Variants in VAV2 observed in about 807,000 individuals in gnomAD.
The protein encoded by VAV2 is guanine nucleotide exchange factor VAV2.
In VAV2, 67 loss-of-function variants were observed where a neutral mutation model predicts 132.5. The observed-to-expected ratio is 0.51, with a 90% CI of 0.42 to 0.62. VAV2 has a LOEUF of 0.62. VAV2 is among the 20% of genes least tolerant of loss of function. The pLI, the probability that VAV2 is intolerant of heterozygous loss-of-function variation, is 0.00. For missense variants in VAV2, 938 were observed against 1,153.6 expected (o/e 0.81, Z 2.71); for synonymous variants, 492 against 443.5 (o/e 1.11, Z -1.37).
At chr9:133,780,939 G>C (rs982165991) in intron 19 of VAV2, among the ~76,000 whole-genome samples, 6 of 152,216 alleles carry the variant, frequency 3.9e-5, no homozygotes, top group Non-Finnish European at 8.8e-5. Flanking sequence ...TGGCTTTAGG[G>C]GGCCCATGGG....
At chr9:133,821,026 C>A (rs371053770) in intron 4 of VAV2, among the ~76,000 whole-genome samples, 2 of 152,340 alleles carry the variant, frequency 1.3e-5, no homozygotes, top group East Asian at 3.9e-4. Flanking sequence ...CCAGCCCACT[C>A]TCCCCCAGTC....
chr9:133,837,832 C>T (rs1011123827), intron 3 of VAV2, among the ~76,000 whole-genome samples: 1 of 152,096 alleles, frequency 6.6e-6, no homozygotes, highest in African/African-American at 2.4e-5. Flanking sequence ...CTTTACCTGC[C>T]CAACCCAGAG....
chr9:133,911,996 C>T (rs949706344), intron 2 of VAV2, among the ~76,000 whole-genome samples: 1 of 152,122 alleles, frequency 6.6e-6, no homozygotes, highest in African/African-American at 2.4e-5. Context: ...CATAGGTAAA[C>T]GTGTGCCATG....
chr9:133,815,230 G>A (rs928757763), intron 4 of VAV2, among the ~76,000 whole-genome samples: 44 of 152,138 alleles, frequency 2.9e-4, no homozygotes, highest in African/African-American at 1.0e-3. Context: ...AGACAGAACT[G>A]TCACGCCCGG....
intron 2 of VAV2, among the ~76,000 whole-genome samples, chr9:133,925,375 T>C (rs1398197900): frequency 1.2e-4 from 18 of 152,128 alleles, no homozygotes. Context: ...TGCCACTACA[T>C]CCTGCTAATT....
At chr9:133,860,848 G>A (rs1010282479) in intron 3 of VAV2, among the ~76,000 whole-genome samples, 2 of 152,140 alleles carry the variant, frequency 1.3e-5, no homozygotes, top group African/African-American at 4.8e-5. Context: ...TCAGAAGCAG[G>A]AGGCCAGATC....
At chr9:133,894,845 G>C (rs966469275) in intron 2 of VAV2, among the ~76,000 whole-genome samples, 11 of 152,184 alleles carry the variant, frequency 7.2e-5, no homozygotes, top group Non-Finnish European at 1.6e-4. Flanking sequence ...CTGCCATGAC[G>C]CTATGACCCT....
At chr9:133,954,981 G>A (rs1841703031) in intron 1 of VAV2, among the ~76,000 whole-genome samples, 1 of 152,120 alleles carries the variant, frequency 6.6e-6, no homozygotes, top group African/African-American at 2.4e-5. Flanking sequence ...TTATACTGCT[G>A]TTTGCGTGCA....
intron 12 of VAV2, among the ~76,000 whole-genome samples, chr9:133,793,483 C>T (rs958677201): frequency 6.6e-6 from 1 of 152,096 alleles, no homozygotes; most frequent in South Asian, 2.1e-4. Context: ...GTTTTCTTGT[C>T]GTTGTCCACT....
At chr9:133,795,459 G>A (rs558976093) in intron 12 of VAV2, among the ~76,000 whole-genome samples, 14 of 152,232 alleles carry the variant, frequency 9.2e-5, no homozygotes, top group African/African-American at 3.1e-4. Flanking sequence ...GGACACCTGA[G>A]GGGGCACCTG....
intron 2 of VAV2, among the ~76,000 whole-genome samples, chr9:133,909,705 C>T (rs140412490): frequency 6.6e-6 from 1 of 152,286 alleles, no homozygotes; most frequent in Non-Finnish European, 1.5e-5. Context: ...AGATGGCAGA[C>T]ACACGGTGTG....
intron 2 of VAV2, among the ~76,000 whole-genome samples, chr9:133,878,909 AGG>A (rs1413910678): frequency 1.3e-5 from 2 of 152,196 alleles, no homozygotes; most frequent in Non-Finnish European, 2.9e-5. Context: ...GCTCCTCCGC[AGG>A]GGCAGAAACC....
chr9:133,822,802 A>G (rs1298138888), intron 4 of VAV2, among the ~76,000 whole-genome samples: 2 of 145,240 alleles, frequency 1.4e-5, no homozygotes, highest in East Asian at 3.9e-4. Flanking sequence ...TTCAGGAACC[A>G]AAAAAGAACA....
chr9:133,932,387 A>G (rs570483971), intron 2 of VAV2, among the ~76,000 whole-genome samples: 1 of 152,352 alleles, frequency 6.6e-6, no homozygotes, highest in East Asian at 1.9e-4. Context: ...CGGGCAGCAC[A>G]GGAAGCCGGA....
At chr9:133,916,370 C>T (rs1178315376) in intron 2 of VAV2, among the ~76,000 whole-genome samples, 4 of 152,214 alleles carry the variant, frequency 2.6e-5, no homozygotes, top group Non-Finnish European at 4.4e-5. Flanking sequence ...TTTCTCTCCA[C>T]GGGATAAAGC....
chr9:133,950,098 G>T (rs1006547902), intron 1 of VAV2, among the ~76,000 whole-genome samples: 2 of 152,176 alleles, frequency 1.3e-5, no homozygotes, highest in East Asian at 1.9e-4. Flanking sequence ...GTTCTCAAAG[G>T]CTGAAAAGTC....
rs1838599483 is a variant in VAV2, at chr9:133,883,925, G to A, written c.322-22493C>T. On this transcript the variant is annotated intron_variant, in intron 2 of 29. Transcript: ENST00000371850. The surrounding 1 kb of genome is among the most constrained non-coding windows in gnomAD (Gnocchi z 4.2). ...CTGAGGCAGGCAGATCACAAGGTCA[G>A]GAGATCAAGACCATCTTGATCAATA... 6.6e-6 allele frequency among the ~76,000 whole-genome samples: 1 copy of A among 152,074 alleles called. No homozygotes were observed. Among genetic ancestry groups the A allele is most frequent in the African/African-American group, 2.4e-5 (1 of 41,392 alleles).
chr9:133,789,931 T>A (rs542787980), intron 13 of VAV2, among the ~76,000 whole-genome samples: 1 of 152,124 alleles, frequency 6.6e-6, no homozygotes, highest in African/African-American at 2.4e-5. Context: ...TGGAGGAAAA[T>A]GCTTCAAGAC....
intron 4 of VAV2, among the ~76,000 whole-genome samples, chr9:133,817,738 A>G (rs1835617492): frequency 6.6e-6 from 1 of 152,146 alleles, no homozygotes. Flanking sequence ...TTCATTTCAG[A>G]TATCGTGCTT....
Sources: allele counts gnomAD v4.1 joint callset (sites outside exome capture counted in the v4.1 genomes callset), GRCh38; gene constraint gnomAD v4.1.1; non-coding constraint Gnocchi (gnomAD v3.1); transcripts MANE v1.5; gene names NCBI Gene and HGNC (gene_info 2026-07-23, HGNC 2026-07-21).